The following PLB1 variants were observed in gnomAD, a reference collection of about 807,000 sequenced individuals.
The protein encoded by PLB1 is phospholipase B1, membrane-associated.
PLB1 carries 242 observed loss-of-function variants against 227.4 expected under a neutral mutation model. The ratio of observed to expected loss-of-function variants is 1.06; its 90% CI spans 0.96 to 1.18. PLB1 has a LOEUF of 1.18. Among genes scored for constraint, PLB1 ranks in the 50% most tolerant of loss-of-function variants. The pLI, the probability that PLB1 is intolerant of heterozygous loss-of-function variation, is 0.00. For missense variants in PLB1, 1,858 were observed against 1,816.3 expected, an observed-to-expected ratio of 1.02 and a Z score of -0.42; for synonymous variants, 757 against 682.2, an observed-to-expected ratio of 1.11 and a Z score of -1.71.
intron 1 of PLB1, among the ~76,000 whole-genome samples, chr2:28,515,726 T>C (rs893871805): frequency 1.2e-4 from 18 of 152,186 alleles, no homozygotes; most frequent in Non-Finnish European, 4.4e-5. Flanking sequence ...ATTGCTAATG[T>C]TGTTTGGGGG....
intron 18 of PLB1, among the ~76,000 whole-genome samples, chr2:28,564,610 C>T (rs185199707): frequency 5.9e-5 from 9 of 152,300 alleles, no homozygotes; most frequent in African/African-American, 2.2e-4. Context: ...CCTAGGGAGG[C>T]AGCACTTTGG....
chr2:28,590,090 C>T lies in PLB1; in HGVS notation c.2088+14C>T. 2 of 1,598,452 alleles carry T rather than the reference C, an allele frequency of 1.3e-6. No homozygotes were observed. Among genetic ancestry groups the T allele is most frequent in the Non-Finnish European group, 1.7e-6 (2 of 1,165,746 alleles). On this transcript the variant is annotated intron_variant, in intron 29 of 57. Transcript: ENST00000327757. ...TGTCCGAACCAGGTAGAGTGGAAAG[C>T]ACGTCCTTCCAGGCTCCGGCTGCAC...
At chr2:28,635,092 T>G (rs542384521) in intron 56 of PLB1, among the ~76,000 whole-genome samples, 19 of 152,254 alleles carry the variant, frequency 1.2e-4, no homozygotes, top group Non-Finnish European at 2.2e-4. Flanking sequence ...AAAACAAGAC[T>G]GTCCATGGTT....
rs142431648 is a variant in PLB1 at position 28,573,298 on chromosome 2, C to T, written c.1426C>T (p.Arg476Ter). 9.1e-5 allele frequency: 146 copies of T among 1,612,576 alleles called. No individual in the cohort carries two copies. The highest frequency in any genetic ancestry group is 1.2e-4 in the Non-Finnish European group (139 of 1,179,086). The change falls in exon 21 of 58, where the codon CGA becomes TGA. Residue 476 changes from arginine (R) to a stop codon, truncating the protein, a stop_gained. Coordinates refer to ENST00000327757, the MANE Select transcript of PLB1 (RefSeq NM_153021.5). LOFTEE classifies it high-confidence loss of function. ...AFLNQAVAGGRAEDLPVQARR... is the reference protein window; with the variant it reads ...AFLNQAVAGG The stretch of plus-strand genomic sequence containing the variant: ...CTTAAACCAGGCTGTGGCAGGAGGC[C>T]GAGCTGAGTAAGCAGGGGTGACCGG...
At chr2:28,567,549 T>C (rs373003403) in intron 20 of PLB1, among the ~76,000 whole-genome samples, 47 of 142,986 alleles carry the variant, frequency 3.3e-4, no homozygotes, top group East Asian at 2.7e-3. Flanking sequence ...TCTCAGCTCA[T>C]TGCAACCTCC....
chr2:28,524,879 A>G (rs1670022551), intron 4 of PLB1, among the ~76,000 whole-genome samples: 1 of 120,340 alleles, frequency 8.3e-6, no homozygotes, highest in African/African-American at 3.4e-5. Context: ...ACAGTGTCTC[A>G]TTCTATGGCC....
chr2:28,622,041 G>A (rs1687121888), intron 49 of PLB1, among the ~76,000 whole-genome samples: 1 of 152,218 alleles, frequency 6.6e-6, no homozygotes. Context: ...CAGGGAAGTA[G>A]TTGAGAACAT....
rs528300666 is a variant in PLB1, at chr2:28,591,274, C to G, written c.2127+103C>G. 1.4e-5 allele frequency: 21 copies of G among 1,457,000 alleles called. No individual in the cohort carries two copies. The South Asian group carries it at 2.4e-4, about 17-fold the overall frequency. 90.3% of individuals were successfully genotyped at this position (1,457,000 alleles called of 1,614,324 possible). A position where few individuals can be genotyped will look rare whatever the true frequency, so the allele number is the denominator to read the frequency against. ...CAGGGTGGGAAAGCGGGCAAGAGTT[C>G]TAGATGGGCATAAAGGCCACCCACC... On this transcript the variant is annotated intron_variant, in intron 30 of 57. Coordinates refer to ENST00000327757, the MANE Select transcript of PLB1 (RefSeq NM_153021.5).
chr2:28,561,115 A>C (rs1437634463), intron 17 of PLB1, among the ~76,000 whole-genome samples: 1 of 152,014 alleles, frequency 6.6e-6, no homozygotes, highest in Non-Finnish European at 1.5e-5. Context: ...GCTTCACATC[A>C]CTTCACACCT....
chr2:28,555,873 T>TTC (rs1340143709), intron 17 of PLB1, among the ~76,000 whole-genome samples: 1 of 149,310 alleles, frequency 6.7e-6, no homozygotes, highest in Non-Finnish European at 1.5e-5. Flanking sequence ...CTTTTTTTTT[T>TTC]TTTTTTTTCT....
chr2:28,534,054 A>T (rs1052512897), intron 9 of PLB1, among the ~76,000 whole-genome samples: 1 of 152,194 alleles, frequency 6.6e-6, no homozygotes, highest in Non-Finnish European at 1.5e-5. Context: ...GTGTGCTTGT[A>T]TGTATGAGAG....
chr2:28,516,760 G>A, intron 1 of PLB1, 48 bp from the exon 2 acceptor site: 1 of 1,548,040 alleles, frequency 6.5e-7, no homozygotes, highest in Non-Finnish European at 8.9e-7. Context: ...AATTTGGGTG[G>A]GAGTTAATTC....
chr2:28,508,858 G>C (rs1368472004), intron 1 of PLB1, among the ~76,000 whole-genome samples: 2 of 152,214 alleles, frequency 1.3e-5, no homozygotes, highest in East Asian at 3.8e-4. Context: ...AAGAGCCCAA[G>C]AATTTAATGT....
chr2:28,620,852 T>TCTTCTC (rs770550206), intron 48 of PLB1, 27 bp from the exon 49 acceptor site: 1 of 1,593,494 alleles, frequency 6.3e-7, no homozygotes, highest in Admixed American at 1.7e-5. Flanking sequence ...TCACCTGTGC[T>TCTTCTC]CTTCTCCTCC....
intron 4 of PLB1, among the ~76,000 whole-genome samples, chr2:28,523,342 T>G (rs924595851): frequency 8.7e-5 from 13 of 149,890 alleles, no homozygotes; most frequent in South Asian, 6.3e-4. Flanking sequence ...GAGGTTTTTT[T>G]TTTTTTTTTT....
At chr2:28,553,136 G>A (rs1283441070) in intron 17 of PLB1, 145 bp downstream of exon 17, 3 of 684,354 alleles carry the variant, frequency 4.4e-6, no homozygotes, top group Non-Finnish European at 7.6e-6. Flanking sequence ...GTAAAGCCAT[G>A]GCTGTGTTTG....
intron 13 of PLB1, among the ~76,000 whole-genome samples, chr2:28,542,473 T>C (rs1342907809): frequency 6.6e-6 from 1 of 151,792 alleles, no homozygotes; most frequent in African/African-American, 2.4e-5. Context: ...TAACATGTTC[T>C]CTCTCTCGGT....
intron 6 of PLB1, among the ~76,000 whole-genome samples, chr2:28,528,341 C>G (rs1670553222): frequency 6.6e-6 from 1 of 152,224 alleles, no homozygotes; most frequent in Non-Finnish European, 1.5e-5. Context: ...CACTCTCTCC[C>G]CGCTCTGCCC....
chr2:28,618,303 C>A, intron 45 of PLB1, 38 bp from the exon 46 acceptor site: 1 of 1,594,210 alleles, frequency 6.3e-7, no homozygotes, highest in Non-Finnish European at 8.6e-7. Flanking sequence ...GTAGATACCC[C>A]CAGCCCCCAC....
Sources: gnomAD v4.1 joint callset for allele counts (sites outside exome capture counted in the v4.1 genomes callset) on GRCh38, gnomAD v4.1.1 for gene constraint, MANE v1.5 for transcripts, NCBI Gene and HGNC (gene_info 2026-07-23, HGNC 2026-07-21) for gene names.